The following GALNT2 variants were observed in gnomAD, a reference collection of about 807,000 sequenced individuals.
The protein encoded by GALNT2 is UDP-GalNAc:polypeptide N-acetylgalactosaminyltransferase 2.
In GALNT2, 31 loss-of-function variants were observed where a neutral mutation model predicts 81.4. The observed-to-expected ratio is 0.38, with a 90% CI of 0.29 to 0.51. The LOEUF (loss-of-function observed/expected upper bound fraction) is 0.51, where lower values mean the gene tolerates loss of function less well. GALNT2 is among the 20% of genes least tolerant of loss of function. The pLI is 0.87. For synonymous variants in GALNT2, 303 were observed against 287.4 expected (o/e 1.05, Z -0.55); for missense variants, 629 against 765.7 (o/e 0.82, Z 2.11).
chr1:230,060,705 G>A (rs1659025786), intron 1 of GALNT2, among the ~76,000 whole-genome samples: 1 of 152,194 alleles, frequency 6.6e-6, no homozygotes, highest in African/African-American at 2.4e-5. Flanking sequence ...ATGGTTGTAA[G>A]ATGGTGATCC....
chr1:230,218,589 G>C (rs1401800853), intron 3 of GALNT2, among the ~76,000 whole-genome samples: 1 of 152,164 alleles, frequency 6.6e-6, no homozygotes, highest in African/African-American at 2.4e-5. Flanking sequence ...AAGATTAGGA[G>C]GGAAGTTTTC....
At chr1:230,150,945 A>G (rs1386465635) in intron 1 of GALNT2, among the ~76,000 whole-genome samples, 1 of 152,214 alleles carries the variant, frequency 6.6e-6, no homozygotes, top group African/African-American at 2.4e-5. Context: ...GAGAATTCCC[A>G]GCCAGGGCCA....
chr1:230,190,353 T>C (rs149115313), intron 2 of GALNT2, among the ~76,000 whole-genome samples: 2,253 of 152,334 alleles, frequency 0.015, 62 homozygotes, highest in African/African-American at 0.052. Flanking sequence ...CTGCATGGGA[T>C]GCGCCAAGAC....
At chr1:230,181,088 CTT>C (rs57045807) in intron 2 of GALNT2, among the ~76,000 whole-genome samples, 1 of 150,024 alleles carries the variant, frequency 6.7e-6, no homozygotes, top group African/African-American at 2.4e-5. Flanking sequence ...AATCTTTATA[CTT>C]TTTTTTTTGT....
chr1:230,070,901 C>G lies in GALNT2; in HGVS notation c.126+3495C>G, dbSNP rs1465371514. Among the ~76,000 whole-genome samples the G allele has an allele frequency of 6.6e-6, 1 of 152,166 alleles. No individual in the cohort carries two copies. Among genetic ancestry groups the G allele is most frequent in the African/African-American group, 2.4e-5 (1 of 41,442 alleles). On this transcript the variant is annotated intron_variant, in intron 1 of 15. Coordinates refer to ENST00000366672, the MANE Select transcript of GALNT2 (RefSeq NM_004481.5). The surrounding 1 kb of genome is among the most constrained non-coding windows in gnomAD (Gnocchi z 4.7). The stretch of plus-strand genomic sequence containing the variant: ...GACATTAAAGGGAAATGGCACAAAT[C>G]CACTTATTGGCATTGAGTGAGACCT...
intron 1 of GALNT2, among the ~76,000 whole-genome samples, chr1:230,140,549 G>A (rs1178452146): frequency 6.6e-6 from 1 of 152,202 alleles, no homozygotes; most frequent in East Asian, 1.9e-4. Context: ...GGAACCGGGA[G>A]TACTGTCAGT....
chr1:230,164,177 C>T (rs891682669), intron 1 of GALNT2, among the ~76,000 whole-genome samples: 1 of 152,184 alleles, frequency 6.6e-6, no homozygotes, highest in African/African-American at 2.4e-5. Context: ...TGGTAAATGC[C>T]AGTTCTGTGA....
At chr1:230,177,578 A>G (rs1198327661) in intron 1 of GALNT2, among the ~76,000 whole-genome samples, 1 of 152,250 alleles carries the variant, frequency 6.6e-6, no homozygotes, top group Non-Finnish European at 1.5e-5. Context: ...TTGTTTGCCC[A>G]GATGAGTTGA....
At chr1:230,074,155 C>T (rs1379645043) in intron 1 of GALNT2, among the ~76,000 whole-genome samples, 1 of 151,362 alleles carries the variant, frequency 6.6e-6, no homozygotes, top group Non-Finnish European at 1.5e-5. Flanking sequence ...CTCAGTGGTA[C>T]AACCAGAGCT....
chr1:230,108,532 A>T (rs1418274304), intron 1 of GALNT2, among the ~76,000 whole-genome samples: 1 of 152,250 alleles, frequency 6.6e-6, no homozygotes, highest in Non-Finnish European at 1.5e-5. Flanking sequence ...GGGATATATA[A>T]GGATGAGATT....
intron 3 of GALNT2, among the ~76,000 whole-genome samples, chr1:230,222,031 C>CTCTTTTTT (rs1553270493): frequency 1.0e-5 from 1 of 96,120 alleles, no homozygotes; most frequent in Non-Finnish European, 1.9e-5. Flanking sequence ...CTGCTTTTCT[C>CTCTTTTTT]TTTTTTTTTT....
chr1:230,101,261 T>C (rs1373712973), intron 1 of GALNT2, among the ~76,000 whole-genome samples: 1 of 152,224 alleles, frequency 6.6e-6, no homozygotes, highest in East Asian at 1.9e-4. Flanking sequence ...TACTCCTAAA[T>C]GTGTCATATG....
At chr1:230,108,394 C>G (rs79434418) in intron 1 of GALNT2, among the ~76,000 whole-genome samples, 1 of 152,224 alleles carries the variant, frequency 6.6e-6, no homozygotes, top group South Asian at 2.1e-4. Context: ...AGCTATGTCC[C>G]GATAAACCCA....
chr1:230,135,089 G>T (rs892929410), intron 1 of GALNT2, among the ~76,000 whole-genome samples: 5 of 151,742 alleles, frequency 3.3e-5, no homozygotes, highest in Non-Finnish European at 5.9e-5. Flanking sequence ...GGTGCTAAGG[G>T]TTGTAAGATG....
intron 1 of GALNT2, among the ~76,000 whole-genome samples, chr1:230,131,676 C>T (rs1325885553): frequency 6.6e-6 from 1 of 152,176 alleles, no homozygotes; most frequent in Non-Finnish European, 1.5e-5. Context: ...GACCGAAGTT[C>T]GGTTTGGTAA....
At chr1:230,146,845 C>G (rs1048065662) in intron 1 of GALNT2, among the ~76,000 whole-genome samples, 3 of 152,106 alleles carry the variant, frequency 2.0e-5, no homozygotes, top group African/African-American at 7.2e-5. Context: ...ATGCTGGAAA[C>G]GTGACCTGTG....
intron 1 of GALNT2, among the ~76,000 whole-genome samples, chr1:230,110,208 G>A (rs1006914495): frequency 1.3e-5 from 2 of 152,172 alleles, no homozygotes; most frequent in African/African-American, 4.8e-5. Flanking sequence ...ATATACTATG[G>A]TGGTTTTTAA....
At chr1:230,190,089 C>T (rs1300106858) in intron 2 of GALNT2, among the ~76,000 whole-genome samples, 1 of 152,248 alleles carries the variant, frequency 6.6e-6, no homozygotes, top group African/African-American at 2.4e-5. Context: ...GGCCAGTGAT[C>T]TGCACAGTGT....
At chr1:230,083,345 C>CGGGATGAGGGAGCAGGCAGCT (rs1558275495) in intron 1 of GALNT2, among the ~76,000 whole-genome samples, 1 of 131,894 alleles carries the variant, frequency 7.6e-6, no homozygotes, top group Non-Finnish European at 1.6e-5. Context: ...GCAGGGGAGC[C>CGGGATGAGGGAGCAGGCAGCT]GGGATGAGGG....
Sources: allele counts gnomAD v4.1 joint callset (sites outside exome capture counted in the v4.1 genomes callset), GRCh38; gene constraint gnomAD v4.1.1; non-coding constraint Gnocchi (gnomAD v3.1); transcripts MANE v1.5; gene names NCBI Gene and HGNC (gene_info 2026-07-23, HGNC 2026-07-21).